The following DNAH10 variants were observed in gnomAD, a reference collection of about 807,000 sequenced individuals.
DNAH10 encodes dynein axonemal heavy chain 10.
A neutral mutation model predicts 506.6 loss-of-function variants in DNAH10; 348 were observed. That is an observed-to-expected ratio of 0.69 (90% confidence interval 0.63 to 0.75). The LOEUF is 0.75. DNAH10 is among the 30% of genes least tolerant of loss of function. DNAH10 has a pLI of 0.00. For synonymous variants in DNAH10, 2,059 were observed against 2,198.6 expected, an observed-to-expected ratio of 0.94 and a Z score of 1.78; for missense variants, 5,179 against 5,787.1, an observed-to-expected ratio of 0.89 and a Z score of 3.41.
At chr12:123,847,372 T>A (rs74845736) in intron 32 of DNAH10, among the ~76,000 whole-genome samples, 1 of 148,700 alleles carries the variant, frequency 6.7e-6, no homozygotes, top group African/African-American at 2.4e-5. Flanking sequence ...AGGAGGAGAT[T>A]TATTATGAGG....
Position 123,841,341 on chromosome 12 carries a change from C to T in DNAH10, c.5156C>T (p.Ser1719Leu), listed in dbSNP as rs1292999733. 3.1e-6 allele frequency: 5 copies of T among 1,613,854 alleles called. No individual in the cohort carries two copies. The highest frequency in any genetic ancestry group is 1.3e-5 in the African/African-American group (1 of 74,902). The change falls in exon 30 of 79, where the codon TCA becomes TTA. Residue 1719 changes from serine to leucine, a missense_variant. Ser to Leu is a moderately radical substitution (Grantham distance 145). This residue lies in a region of DNAH10 where 4,844 missense variants were observed against 5,430.5 expected (regional missense o/e 0.89). Transcript: ENST00000673944. ...HMIKMYDNIA[S>L]LRFNDGDSGE... Reference sequence around the variant, plus strand: ...TTGCAGATGTACGACAACATAGCATCACTGAGGTTTAATGACGGCGATAGT... The same window carrying T: ...TTGCAGATGTACGACAACATAGCATTACTGAGGTTTAATGACGGCGATAGT...
chr12:123,865,400 A>C (rs1951766212), intron 40 of DNAH10, among the ~76,000 whole-genome samples: 1 of 151,750 alleles, frequency 6.6e-6, no homozygotes, highest in East Asian at 1.9e-4. Flanking sequence ...ACTTGCTTTC[A>C]CTCTAGCTTA....
At chr12:123,856,328 A>ATATC (rs201386023) in intron 36 of DNAH10, among the ~76,000 whole-genome samples, 6,450 of 149,630 alleles carry the variant, frequency 0.043, 189 homozygotes, top group Non-Finnish European at 0.065. Flanking sequence ...GTGTGTGTGT[A>ATATC]TATCTATCTA....
At chr12:123,799,122 AAT>A in intron 13 of DNAH10, 122 bp from the exon 14 acceptor site, 1 of 609,844 alleles carries the variant, frequency 1.6e-6, no homozygotes, top group Non-Finnish European at 2.1e-6. Context: ...AAAAAAAAAA[AAT>A]TATATAATGT....
At position 123,908,245 on chromosome 12, in the gene DNAH10, C is replaced by G. The variant is rs190094148; in HGVS notation, c.9816-1016C>G. 1,049 of 426,318 alleles carry G rather than the reference C, an allele frequency of 2.5e-3. 16 individuals carry two copies. Among genetic ancestry groups the G allele is most frequent in the East Asian group, 2.5e-3 (35 of 14,152 alleles). 26.4% of individuals were successfully genotyped at this position (426,318 alleles called of 1,614,324 possible). ...CTGTCTTCCTGTCTCCTCCCTGTCT[C>G]TCTGTCTCCTCCCTGTCTCCCTGTC... is the stretch of plus-strand genomic sequence containing the variant. On this transcript the variant is annotated intron_variant, in intron 57 of 78. Coordinates refer to ENST00000673944, the MANE Select transcript of DNAH10 (RefSeq NM_001372106.1).
rs1482999923 is a variant in DNAH10, at chr12:123,877,895, A to G, written c.8359A>G (p.Thr2787Ala). ...LSRVFNGLVL[T>A]NPERFQTVAQ... Reference sequence around the variant, plus strand: ...ACGGGTTTTTAATGGTCTTGTCCTCACTAACCCGGAGCGGTGAGTTTGATT... The same window carrying G: ...ACGGGTTTTTAATGGTCTTGTCCTCGCTAACCCGGAGCGGTGAGTTTGATT... The change falls in exon 48 of 79, where the codon ACT becomes GCT. Residue 2787 changes from threonine to alanine, a missense_variant. Around this residue, in one of 3 missense-constraint regions of DNAH10, gnomAD observed 4,844 missense variants for 5,430.5 expected, o/e 0.89. Coordinates refer to ENST00000673944, the MANE Select transcript of DNAH10 (RefSeq NM_001372106.1). 1.2e-6 allele frequency: 2 copies of G among 1,613,520 alleles called. No homozygotes were observed. The highest frequency in any genetic ancestry group is 1.7e-6 in the Non-Finnish European group (2 of 1,179,750).
At chr12:123,859,995 A>G (rs566970908) in intron 38 of DNAH10, among the ~76,000 whole-genome samples, 2 of 152,180 alleles carry the variant, frequency 1.3e-5, no homozygotes, top group Admixed American at 6.5e-5. Context: ...GTGCCACTGC[A>G]CACCAGCCTG....
chr12:123,879,456 A>G, intron 49 of DNAH10, 99 bp downstream of exon 49: 1 of 1,465,654 alleles, frequency 6.8e-7, no homozygotes, highest in East Asian at 2.5e-5. Flanking sequence ...GTGGAAAAAT[A>G]GGCACGAAAG....
chr12:123,813,500 G>A lies in DNAH10; in HGVS notation c.3481G>A (p.Asp1161Asn). The change falls in exon 20 of 79, where the codon GAT (aspartate) becomes AAT (asparagine). Residue 1161 changes from aspartate to asparagine, a missense_variant. Around this residue, in one of 3 missense-constraint regions of DNAH10, gnomAD observed 4,844 missense variants for 5,430.5 expected, o/e 0.89. Transcript: ENST00000673944. ...GGTTATGCGCCACCCTCTAATTAAG[G>A]ATGAGCATTGCATCAGACTTCAGCT... Reference protein sequence around the residue: ...YEVMRHPLIKDEHCIRLQLRH... With the variant: ...YEVMRHPLIKNEHCIRLQLRH... 6.2e-7 allele frequency: 1 copy of A among 1,614,200 alleles called. No homozygotes were observed. The highest frequency in any genetic ancestry group is 8.5e-7 in the Non-Finnish European group (1 of 1,180,046).
intron 59 of DNAH10, among the ~76,000 whole-genome samples, chr12:123,912,453 TCTGTCCTGG>T (rs1954259137): frequency 6.8e-5 from 2 of 29,618 alleles, no homozygotes; most frequent in African/African-American, 3.2e-4. Flanking sequence ...TCCTGGGGGG[TCTGTCCTGG>T]GGGGTCTGTC....
At chr12:123,906,721 G>A (rs962777266) in intron 57 of DNAH10, among the ~76,000 whole-genome samples, 2 of 152,098 alleles carry the variant, frequency 1.3e-5, no homozygotes, top group African/African-American at 4.8e-5. Context: ...TCCAATTTGA[G>A]TTTTTCCAGA....
chr12:123,894,382 G>C (rs1292284681), intron 53 of DNAH10, among the ~76,000 whole-genome samples: 1 of 152,002 alleles, frequency 6.6e-6, no homozygotes, highest in African/African-American at 2.4e-5. Context: ...TCAGCCTCCT[G>C]AGTAGCTGGG....
chr12:123,873,719 A>G lies in DNAH10; in HGVS notation c.7938+9A>G, dbSNP rs1200383068. ...ACATGAATATGCCAAGGGTAGTTTGACGCTCAAGCAGGTGGAGGGATGGGT... is the reference window on the plus strand; with the variant it reads ...ACATGAATATGCCAAGGGTAGTTTGGCGCTCAAGCAGGTGGAGGGATGGGT... On this transcript the variant is annotated intron_variant, in intron 46 of 78. Transcript: ENST00000673944. The G allele has an allele frequency of 6.2e-7, 1 of 1,600,152 alleles. No homozygotes were observed. Among genetic ancestry groups the G allele is most frequent in the Non-Finnish European group, 8.5e-7 (1 of 1,173,076 alleles).
At chr12:123,798,273 G>T (rs1180447415) in intron 13 of DNAH10, among the ~76,000 whole-genome samples, 1 of 152,186 alleles carries the variant, frequency 6.6e-6, no homozygotes, top group Non-Finnish European at 1.5e-5. Context: ...GGTTTAATTG[G>T]CTCACAGTTC....
Position 123,822,704 on chromosome 12 carries a change from G to T in DNAH10, c.4179+1946G>T, listed in dbSNP as rs145047048. 1.1e-3 allele frequency among the ~76,000 whole-genome samples: 163 copies of T among 152,268 alleles called. 1 individual carries two copies. The highest frequency in any genetic ancestry group is 3.6e-3 in the African/African-American group (151 of 41,556). ...GATTATGGAGGCTGAGAAATCCCAT[G>T]GTCTGCAGTTGGCAAGCTAGAGACC... On this transcript the variant is annotated intron_variant, in intron 24 of 78. Coordinates refer to ENST00000673944, the MANE Select transcript of DNAH10 (RefSeq NM_001372106.1).
chr12:123,863,799 G>C (rs1378520577), intron 39 of DNAH10, among the ~76,000 whole-genome samples: 1 of 152,212 alleles, frequency 6.6e-6, no homozygotes. Context: ...ATCTTTTGGT[G>C]GGGGGTGGGT....
chr12:123,831,896 C>T (rs1960594515), intron 26 of DNAH10, among the ~76,000 whole-genome samples: 1 of 148,782 alleles, frequency 6.7e-6, no homozygotes, highest in East Asian at 2.0e-4. Context: ...CAGAGCAAGA[C>T]TCTGTCTCAA....
At chr12:123,831,551 C>T (rs753723608) in intron 26 of DNAH10, among the ~76,000 whole-genome samples, 4 of 152,150 alleles carry the variant, frequency 2.6e-5, no homozygotes, top group East Asian at 1.9e-4. Flanking sequence ...ACATTGAGTA[C>T]GGCCAGCCAT....
Position 123,914,465 on chromosome 12 carries a change from C to T in DNAH10, c.10489C>T (p.Gln3497Ter). Residue 3497 changes from glutamine (Q) to a stop codon, truncating the protein, a stop_gained, in exon 61 of 79, where the codon CAA (glutamine) becomes TAA (stop). Transcript: ENST00000673944. LOFTEE classifies it high-confidence loss of function. ...TGACGAGATGGTCAATCGGATTTGG[C>T]AAAATGACATCCTGGAGCGGGAGAT... ...FRDEMVNRIW[Q>*]NDILEREIPL... 1 of 1,613,804 alleles carries T rather than the reference C, an allele frequency of 6.2e-7. No homozygotes were observed. Among genetic ancestry groups the T allele is most frequent in the Non-Finnish European group, 8.5e-7 (1 of 1,179,900 alleles).
Sources: gnomAD v4.1 joint callset for allele counts (sites outside exome capture counted in the v4.1 genomes callset) on GRCh38, gnomAD v4.1.1 for gene constraint, gnomAD v4.1.1 regional missense constraint, MANE v1.5 for transcripts, NCBI Gene and HGNC (gene_info 2026-07-23, HGNC 2026-07-21) for gene names.